Variants in MYO5B observed in about 807,000 individuals in gnomAD.
The protein encoded by MYO5B is myosin VB.
MYO5B carries 143 observed loss-of-function variants against 229.3 expected under a neutral mutation model. That is an observed-to-expected ratio of 0.62 (90% CI 0.54 to 0.72). The LOEUF is 0.72. MYO5B is among the 30% of genes least tolerant of loss of function. The pLI is 0.00. For missense variants in MYO5B, 2,321 were observed against 2,331.0 expected (o/e 1.00, Z 0.09); for synonymous variants, 918 against 885.2 (o/e 1.04, Z -0.66).
chr18:49,902,837 G>T lies in MYO5B; in HGVS notation c.2572-4C>A, dbSNP rs779397881. 6.3e-7 allele frequency: 1 copy of T among 1,599,404 alleles called. No homozygotes were observed. Among genetic ancestry groups the T allele is most frequent in the South Asian group, 1.1e-5 (1 of 90,990 alleles). On this transcript the variant is annotated splice_polypyrimidine_tract_variant and splice_region_variant and intron_variant, in intron 20 of 39. Coordinates refer to ENST00000285039, the MANE Select transcript of MYO5B (RefSeq NM_001080467.3). ...TGGCCTTGTGCTCCATGAGGACCTG[G>T]CGGGAAACAAGGATACACATCTTGT...
chr18:50,086,996 T>C (rs977924649), intron 1 of MYO5B, among the ~76,000 whole-genome samples: 1 of 152,060 alleles, frequency 6.6e-6, no homozygotes, highest in Non-Finnish European at 1.5e-5. Flanking sequence ...CTACAGTAAA[T>C]TGTGAAAGAG....
At chr18:49,923,940 G>A (rs1044150968) in intron 17 of MYO5B, among the ~76,000 whole-genome samples, 3 of 151,956 alleles carry the variant, frequency 2.0e-5, no homozygotes, top group African/African-American at 7.3e-5. Context: ...GAGCACCTTG[G>A]GTCTCTCTGC....
chr18:50,131,500 A>G (rs2032254115), intron 1 of MYO5B, among the ~76,000 whole-genome samples: 1 of 152,214 alleles, frequency 6.6e-6, no homozygotes, highest in South Asian at 2.1e-4. Flanking sequence ...TCCTACAGAC[A>G]CTTTCAATCA....
At chr18:49,895,686 A>C (rs927108295) in intron 21 of MYO5B, among the ~76,000 whole-genome samples, 11 of 152,052 alleles carry the variant, frequency 7.2e-5, no homozygotes, top group African/African-American at 2.7e-4. Context: ...GGGTCTTGGA[A>C]TCTCTCTCAC....
At chr18:49,938,621 C>A (rs545397957) in intron 14 of MYO5B, among the ~76,000 whole-genome samples, 2 of 152,196 alleles carry the variant, frequency 1.3e-5, no homozygotes, top group South Asian at 4.2e-4. Context: ...GCTCCCCTCT[C>A]CTGCCATTGT....
chr18:49,856,381 G>A (rs2024262917), intron 30 of MYO5B, among the ~76,000 whole-genome samples: 2 of 152,206 alleles, frequency 1.3e-5, no homozygotes, highest in Non-Finnish European at 2.9e-5. Flanking sequence ...TTGGAGCACA[G>A]CCAGCAGCAC....
chr18:50,037,124 C>T (rs2026457454), intron 3 of MYO5B, 130 bp from the exon 4 acceptor site: 8 of 963,446 alleles, frequency 8.3e-6, no homozygotes, highest in African/African-American at 3.2e-5. Context: ...CAGTCTTAAC[C>T]AATCAATCAG....
chr18:49,907,065 G>A (rs1376478325), intron 18 of MYO5B, among the ~76,000 whole-genome samples: 1 of 152,162 alleles, frequency 6.6e-6, no homozygotes, highest in Non-Finnish European at 1.5e-5. Flanking sequence ...AAGAAGGAAG[G>A]AGGAAAGTTC....
At chr18:50,129,233 G>C (rs1477166427) in intron 1 of MYO5B, among the ~76,000 whole-genome samples, 1 of 152,186 alleles carries the variant, frequency 6.6e-6, no homozygotes, top group African/African-American at 2.4e-5. Flanking sequence ...GCTGGAGCTA[G>C]AGCTTATCTC....
At chr18:50,109,796 T>C (rs753227927) in intron 1 of MYO5B, among the ~76,000 whole-genome samples, 2 of 152,158 alleles carry the variant, frequency 1.3e-5, no homozygotes, top group Non-Finnish European at 2.9e-5. Context: ...GGCAGCACCA[T>C]GGTGAGCTAC....
At chr18:50,054,490 A>G (rs1248697854) in intron 2 of MYO5B, among the ~76,000 whole-genome samples, 3 of 152,072 alleles carry the variant, frequency 2.0e-5, no homozygotes, top group African/African-American at 4.8e-5. Flanking sequence ...CAGGGCCACA[A>G]CCGTTTACCC....
intron 14 of MYO5B, among the ~76,000 whole-genome samples, chr18:49,942,268 T>C (rs928740640): frequency 6.7e-6 from 1 of 149,746 alleles, no homozygotes; most frequent in Non-Finnish European, 1.5e-5. Flanking sequence ...ATTCAGGACA[T>C]AGGCATGGGC....
chr18:49,883,306 G>A (rs1411961742), intron 22 of MYO5B, among the ~76,000 whole-genome samples: 3 of 151,788 alleles, frequency 2.0e-5, no homozygotes, highest in Non-Finnish European at 4.4e-5. Context: ...CAGGTTGCAG[G>A]GTCCAATTTC....
chr18:50,094,272 A>G (rs2031507625), intron 1 of MYO5B, among the ~76,000 whole-genome samples: 1 of 152,218 alleles, frequency 6.6e-6, no homozygotes, highest in Non-Finnish European at 1.5e-5. Context: ...GTGTTTAAAA[A>G]ACAATCTATG....
chr18:50,033,662 T>C (rs979524137), intron 4 of MYO5B, among the ~76,000 whole-genome samples: 3 of 151,520 alleles, frequency 2.0e-5, no homozygotes, highest in African/African-American at 4.9e-5. Flanking sequence ...GAAGGAGGAG[T>C]AGAAAGCACA....
intron 1 of MYO5B, among the ~76,000 whole-genome samples, chr18:50,150,756 T>C (rs2469476): frequency 0.69 from 105,014 of 151,852 alleles, 36,934 homozygotes; most frequent in Admixed American, 0.78. Context: ...GTGGGTGCAG[T>C]GCACCAGCAC....
chr18:50,002,035 C>CAAAA (rs34864756), intron 4 of MYO5B, among the ~76,000 whole-genome samples: 23,817 of 128,866 alleles, frequency 0.18, 2,627 homozygotes, highest in Non-Finnish European at 0.25. Flanking sequence ...AACTCCGTCT[C>CAAAA]AAAAAAAAAA....
At chr18:50,097,384 C>T (rs2031572894) in intron 1 of MYO5B, 11 of 416,476 alleles carry the variant, frequency 2.6e-5, no homozygotes, top group South Asian at 1.5e-4. Flanking sequence ...CTATGTGGTC[C>T]ATCAAAAGTC....
chr18:49,890,150 A>G (rs2024692498), intron 22 of MYO5B, among the ~76,000 whole-genome samples: 1 of 152,200 alleles, frequency 6.6e-6, no homozygotes. Flanking sequence ...TTCTCCAGGT[A>G]CCAGCCAACC....
Sources: allele counts gnomAD v4.1 joint callset (sites outside exome capture counted in the v4.1 genomes callset), GRCh38; gene constraint gnomAD v4.1.1; transcripts MANE v1.5; gene names NCBI Gene and HGNC (gene_info 2026-07-23, HGNC 2026-07-21).